Variants in CACNA2D1 observed in about 807,000 individuals in gnomAD.
The protein encoded by CACNA2D1 is calcium voltage-gated channel auxiliary subunit alpha2delta 1, also known as voltage-dependent calcium channel subunit alpha-2/delta-1.
A neutral mutation model predicts 171.5 loss-of-function variants in CACNA2D1; 53 were observed. That is an observed-to-expected ratio of 0.31 (90% CI 0.25 to 0.39). The LOEUF is 0.39. Ranked by LOEUF, CACNA2D1 falls within the 10% of genes least tolerant of loss-of-function variation. CACNA2D1 has a pLI of 1.00. For missense variants in CACNA2D1, 903 were observed against 1,299.8 expected, an observed-to-expected ratio of 0.69 and a Z score of 4.69; for synonymous variants, 442 against 443.1, an observed-to-expected ratio of 1.00 and a Z score of 0.03.
intron 3 of CACNA2D1, among the ~76,000 whole-genome samples, chr7:82,235,321 A>G (rs1803450631): frequency 6.6e-6 from 1 of 152,160 alleles, no homozygotes; most frequent in African/African-American, 2.4e-5. Flanking sequence ...TATAAAGTAG[A>G]ACTAAACCAG....
intron 1 of CACNA2D1, among the ~76,000 whole-genome samples, chr7:82,412,952 T>TATAAG (rs1047341935): frequency 2.0e-5 from 3 of 152,134 alleles, no homozygotes; most frequent in Non-Finnish European, 4.4e-5. Flanking sequence ...CTAAAGTGTT[T>TATAAG]ATAAGCCATT....
chr7:82,125,378 A>C (rs529256206), intron 5 of CACNA2D1, among the ~76,000 whole-genome samples: 1 of 152,312 alleles, frequency 6.6e-6, no homozygotes, highest in East Asian at 1.9e-4. Context: ...TGCTGGCACA[A>C]CTGAAGTCTT....
intron 36 of CACNA2D1, among the ~76,000 whole-genome samples, chr7:81,960,875 T>C (rs914761240): frequency 1.3e-5 from 2 of 152,116 alleles, no homozygotes; most frequent in South Asian, 2.1e-4. Context: ...GACAGTCTGC[T>C]TTTTTTCTGA....
At chr7:82,112,940 A>C (rs937551403) in intron 6 of CACNA2D1, among the ~76,000 whole-genome samples, 1 of 152,228 alleles carries the variant, frequency 6.6e-6, no homozygotes, top group African/African-American at 2.4e-5. Flanking sequence ...AATTACAAAA[A>C]TCAAGCACTT....
chr7:82,064,350 T>C lies in CACNA2D1; in HGVS notation c.733A>G (p.Ile245Val), dbSNP rs554328745. ...TCTTTAGGAGATGCAGCTCCTTGGA[T>C]GTACCTGAAACAAATATTGTAATAA... ...LYDVRRRPWY[I>V]QGAASPKDML... Residue 245 changes from isoleucine to valine, a missense_variant, in exon 9 of 39, where the codon ATC becomes GTC. Ile to Val is a conservative substitution (Grantham distance 29). Coordinates refer to ENST00000356860, the MANE Select transcript of CACNA2D1 (RefSeq NM_000722.4). 1 of 1,603,044 alleles carries C rather than the reference T, an allele frequency of 6.2e-7. No homozygotes were observed. Among genetic ancestry groups the C allele is most frequent in the East Asian group, 2.2e-5 (1 of 44,638 alleles).
chr7:82,121,983 C>T (rs534983230), intron 5 of CACNA2D1, among the ~76,000 whole-genome samples: 9 of 151,666 alleles, frequency 5.9e-5, no homozygotes, highest in South Asian at 2.1e-4. Context: ...ACATCAGTGG[C>T]GAAAGAAAGG....
chr7:82,093,204 C>T (rs1811441054), intron 6 of CACNA2D1, among the ~76,000 whole-genome samples: 1 of 152,088 alleles, frequency 6.6e-6, no homozygotes, highest in South Asian at 2.1e-4. Flanking sequence ...CTCTCTAAAC[C>T]TCAGTTTCCT....
chr7:82,192,607 T>C (rs1175994146), intron 3 of CACNA2D1, among the ~76,000 whole-genome samples: 1 of 151,076 alleles, frequency 6.6e-6, no homozygotes, highest in African/African-American at 2.4e-5. Flanking sequence ...AAAACAGAAA[T>C]TAAGAATTCA....
At chr7:81,958,919 CAAAT>C (rs1793764698) in intron 38 of CACNA2D1, among the ~76,000 whole-genome samples, 1 of 151,430 alleles carries the variant, frequency 6.6e-6, no homozygotes, top group Non-Finnish European at 1.5e-5. Flanking sequence ...TCACTGAAGA[CAAAT>C]ATAACTAACA....
At chr7:82,357,161 C>T (rs1026150521) in intron 1 of CACNA2D1, among the ~76,000 whole-genome samples, 2 of 152,026 alleles carry the variant, frequency 1.3e-5, no homozygotes, top group African/African-American at 2.4e-5. Flanking sequence ...AAAAAACTTG[C>T]CATTCAATTA....
chr7:82,042,181 G>A (rs1562912532), intron 10 of CACNA2D1, among the ~76,000 whole-genome samples: 1 of 152,122 alleles, frequency 6.6e-6, no homozygotes, highest in Non-Finnish European at 1.5e-5. Flanking sequence ...CTAGGAAAGT[G>A]ATGAGAAATT....
chr7:82,410,701 G>A (rs1194789805), intron 1 of CACNA2D1, among the ~76,000 whole-genome samples: 2 of 152,172 alleles, frequency 1.3e-5, no homozygotes, highest in African/African-American at 4.8e-5. Context: ...AAAATAAAGC[G>A]ACAAAAGCAC....
rs1308037576 is a variant in CACNA2D1, at chr7:81,946,717, C to A, written c.*3675G>T. 6.6e-6 allele frequency: 1 copy of A among 151,928 alleles called. No homozygotes were observed. The highest frequency in any genetic ancestry group is 1.5e-5 in the Non-Finnish European group (1 of 67,920). The allele number at this position is 151,928 out of a possible 1,614,324, so 9.4% of individuals were successfully genotyped here. ...AGCATGATCCGACACTCATACAACACAACAAAAAAGACAGCTTTACTAGGT... is the reference window on the plus strand; with the variant it reads ...AGCATGATCCGACACTCATACAACAAAACAAAAAAGACAGCTTTACTAGGT... On this transcript the variant is annotated 3_prime_UTR_variant, in exon 39 of 39. Coordinates refer to ENST00000356860, the MANE Select transcript of CACNA2D1 (RefSeq NM_000722.4).
At chr7:82,005,380 A>G in intron 18 of CACNA2D1, 43 bp downstream of exon 18, 5 of 1,158,756 alleles carry the variant, frequency 4.3e-6, no homozygotes, top group Non-Finnish European at 6.4e-6. Context: ...TTAATCATTA[A>G]TTCTACAAAA....
chr7:82,433,799 G>A (rs796632808), intron 1 of CACNA2D1, among the ~76,000 whole-genome samples: 1 of 152,172 alleles, frequency 6.6e-6, no homozygotes, highest in South Asian at 2.1e-4. Context: ...CCTATCCAGG[G>A]TAATAGCAAC....
At chr7:81,969,288 G>A (rs1185383216) in intron 28 of CACNA2D1, among the ~76,000 whole-genome samples, 1 of 151,388 alleles carries the variant, frequency 6.6e-6, no homozygotes, top group Non-Finnish European at 1.5e-5. Flanking sequence ...TTCTGCTGAA[G>A]TGAAGTGGAA....
rs185845936 is a variant in CACNA2D1, at chr7:82,327,751, G to A, written c.294+7384C>T. Among the ~76,000 whole-genome samples the A allele has an allele frequency of 3.9e-5, 6 of 152,212 alleles. No homozygotes were observed. In the East Asian group the frequency reaches 1.2e-3, roughly 29 times the overall value. On this transcript the variant is annotated intron_variant, in intron 3 of 38. Coordinates refer to ENST00000356860, the MANE Select transcript of CACNA2D1 (RefSeq NM_000722.4). Reference sequence around the variant, plus strand: ...CAGCAATGGCACTAAGAGAAAGTTGGCAATGGATGGCTTTTCTTGACTATA... The same window carrying A: ...CAGCAATGGCACTAAGAGAAAGTTGACAATGGATGGCTTTTCTTGACTATA...
At chr7:82,377,545 C>T (rs1823154605) in intron 1 of CACNA2D1, among the ~76,000 whole-genome samples, 1 of 152,204 alleles carries the variant, frequency 6.6e-6, no homozygotes, top group African/African-American at 2.4e-5. Flanking sequence ...TATACTCCCT[C>T]ACCTTCCCCT....
At chr7:82,208,496 G>A (rs549691098) in intron 3 of CACNA2D1, among the ~76,000 whole-genome samples, 1 of 152,032 alleles carries the variant, frequency 6.6e-6, no homozygotes, top group Admixed American at 6.6e-5. Context: ...CAACTACACA[G>A]GTAACTTCCC....
Sources: allele counts gnomAD v4.1 joint callset (sites outside exome capture counted in the v4.1 genomes callset), GRCh38; gene constraint gnomAD v4.1.1; transcripts MANE v1.5; gene names NCBI Gene and HGNC (gene_info 2026-07-23, HGNC 2026-07-21).